CXADR: variants seen among roughly 807,000 people sequenced by gnomAD.
The protein encoded by CXADR is coxsackievirus and adenovirus receptor.
Under a neutral mutation model 40.3 loss-of-function variants are expected in CXADR, and 20 were observed. The ratio of observed to expected loss-of-function variants is 0.50; its 90% CI spans 0.35 to 0.72. The LOEUF is 0.72. Ranked by LOEUF, CXADR falls within the 30% of genes least tolerant of loss-of-function variation. The pLI, the probability that CXADR is intolerant of heterozygous loss-of-function variation, is 0.01. For missense variants in CXADR, 332 were observed against 449.1 expected, an observed-to-expected ratio of 0.74 and a Z score of 2.36; for synonymous variants, 150 against 161.3, an observed-to-expected ratio of 0.93 and a Z score of 0.53.
intron 1 of CXADR, among the ~76,000 whole-genome samples, chr21:17,534,830 G>A (rs2060733993): frequency 7.2e-6 from 1 of 138,452 alleles, no homozygotes; most frequent in Admixed American, 7.8e-5. Context: ...CTGTCACCAG[G>A]CTGGAGTGCA....
chr21:17,591,844 T>C (rs1162062724), intron 7 of CXADR, among the ~76,000 whole-genome samples: 1 of 151,962 alleles, frequency 6.6e-6, no homozygotes, highest in Non-Finnish European at 1.5e-5. Flanking sequence ...TCATAATTAC[T>C]ACTAAAAAAG....
the CXADR span, among the ~76,000 whole-genome samples, chr21:17,626,242 T>A: frequency 1.3e-5 from 2 of 152,338 alleles, no homozygotes; most frequent in South Asian, 2.1e-4. Flanking sequence ...AACATACCTA[T>A]CCCCTTGGAA....
chr21:17,533,811 G>A (rs2123180273), intron 1 of CXADR, among the ~76,000 whole-genome samples: 1 of 151,802 alleles, frequency 6.6e-6, no homozygotes, highest in South Asian at 2.1e-4. Context: ...TATTTGAAAA[G>A]TACAAAGAAG....
the CXADR span, among the ~76,000 whole-genome samples, chr21:17,622,660 A>G: frequency 2.0e-5 from 3 of 152,212 alleles, no homozygotes; most frequent in African/African-American, 4.8e-5. Flanking sequence ...CCAAAACACA[A>G]TGGAGGTATT....
intron 1 of CXADR, among the ~76,000 whole-genome samples, chr21:17,545,360 A>T (rs2060882638): frequency 6.6e-6 from 1 of 152,308 alleles, no homozygotes; most frequent in South Asian, 2.1e-4. Context: ...AGTGCTATGC[A>T]TACTTTTATA....
Position 17,569,115 on chromosome 21 carries a change from T to C in CXADR, c.*3423T>C, listed in dbSNP as rs909170153. 3 of 985,332 alleles carry C rather than the reference T, an allele frequency of 3.0e-6. No homozygotes were observed. The African/African-American group carries it at 5.2e-5, about 17-fold the overall frequency. 61.0% of individuals were successfully genotyped at this position (985,332 alleles called of 1,614,324 possible). A position where few individuals can be genotyped will look rare whatever the true frequency, so the allele number is the denominator to read the frequency against. On this transcript the variant is annotated 3_prime_UTR_variant, in exon 7 of 7. Transcript: ENST00000284878. ...AAGTTGACTATCAAATTCTGTGATGTGTGGCTTCTTAAAAATATTCTCAGT... is the reference window on the plus strand; with the variant it reads ...AAGTTGACTATCAAATTCTGTGATGCGTGGCTTCTTAAAAATATTCTCAGT...
At position 17,513,950 on chromosome 21, in the gene CXADR, G is replaced by C. The variant is rs531428860; in HGVS notation, c.43+778G>C. The stretch of plus-strand genomic sequence containing the variant: ...GCTGAGTTGTACAGGGTAATTGCTA[G>C]AGGATTTGCCAAGTGCGTTTGTCGA... On this transcript the variant is annotated intron_variant, in intron 1 of 6. Transcript: ENST00000284878. Among the ~76,000 whole-genome samples the C allele has an allele frequency of 7.9e-5, 12 of 152,302 alleles. No homozygotes were observed. The South Asian group carries it at 2.1e-3, about 26-fold the overall frequency.
chr21:17,602,708 A>T, the CXADR span, among the ~76,000 whole-genome samples: 1 of 152,212 alleles, frequency 6.6e-6, no homozygotes, highest in Non-Finnish European at 1.5e-5. Flanking sequence ...GTTTTCTAAG[A>T]TTAATAAGAT....
At chr21:17,604,916 G>C in the CXADR span, 2 of 1,614,134 alleles carry the variant, frequency 1.2e-6, no homozygotes, top group Non-Finnish European at 8.5e-7. Context: ...GCAAGCCCAG[G>C]TCACTATACA....
chr21:17,526,336 G>A (rs1305158964), intron 1 of CXADR, among the ~76,000 whole-genome samples: 1 of 151,944 alleles, frequency 6.6e-6, no homozygotes, highest in Non-Finnish European at 1.5e-5. Context: ...TCCTGTTAGC[G>A]ATGAGCTAAA....
rs2061457425 is a variant in CXADR, at chr21:17,593,174, A to T, written c.1040A>T (p.Asp347Val). Residue 347 changes from aspartate (D) to valine (V), a missense_variant, in exon 8 of 8, where the codon GAT (aspartate) becomes GTT (valine). Asp to Val is a radical substitution (Grantham distance 152). Coordinates refer to the CXADR transcript ENST00000400169. ...TAGTTCAAGTACCCTTACAAGACTG[A>T]TGGAATTACAGTTGTATAAATATGG... 12 of 1,460,910 alleles carry T rather than the reference A, an allele frequency of 8.2e-6. No homozygotes were observed. The East Asian group carries it at 2.8e-4, about 34-fold the overall frequency. 90.5% of individuals were successfully genotyped at this position (1,460,910 alleles called of 1,614,324 possible).
intron 7 of CXADR, chr21:17,593,127 G>GATTCT (rs2061456255): frequency 1.4e-6 from 2 of 1,395,972 alleles, no homozygotes; most frequent in South Asian, 3.5e-5. Flanking sequence ...CTCTTATAGA[G>GATTCT]ATATCTCTTT....
chr21:17,577,117 A>G (rs1345892899), intron 7 of CXADR, among the ~76,000 whole-genome samples: 1 of 152,080 alleles, frequency 6.6e-6, no homozygotes, highest in Non-Finnish European at 1.5e-5. Flanking sequence ...GTGCCTCTGC[A>G]CTTCAGTCTG....
At chr21:17,554,636 T>A (rs142042770) in intron 3 of CXADR, among the ~76,000 whole-genome samples, 2 of 152,322 alleles carry the variant, frequency 1.3e-5, no homozygotes, top group Admixed American at 1.3e-4. Flanking sequence ...TGTTTTTAGA[T>A]GAGTCGTGAC....
At chr21:17,535,077 C>T (rs755241824) in intron 1 of CXADR, among the ~76,000 whole-genome samples, 14 of 151,852 alleles carry the variant, frequency 9.2e-5, no homozygotes, top group East Asian at 7.8e-4. Flanking sequence ...CCACCGCGCC[C>T]GGCCTCTAAC....
chr21:17,629,576 A>AC, the CXADR span, among the ~76,000 whole-genome samples: 1 of 152,032 alleles, frequency 6.6e-6, no homozygotes, highest in Non-Finnish European at 1.5e-5. Flanking sequence ...ACAAAACAAA[A>AC]CAAAACAAAA....
the CXADR span, among the ~76,000 whole-genome samples, chr21:17,626,153 T>C: frequency 6.6e-6 from 1 of 152,218 alleles, no homozygotes; most frequent in Non-Finnish European, 1.5e-5. Context: ...ATGGGCATTA[T>C]TTTTCATATA....
chr21:17,623,967 T>G, the CXADR span, among the ~76,000 whole-genome samples: 7 of 152,196 alleles, frequency 4.6e-5, no homozygotes, highest in Non-Finnish European at 1.0e-4. Context: ...AGCTGTTGCA[T>G]GAATGATGGC....
In CXADR at chr21:17,569,075, G is replaced by A. The variant is rs886708587; in HGVS notation, c.*3383G>A. 17 of 985,380 alleles carry A rather than the reference G, an allele frequency of 1.7e-5. No individual in the cohort carries two copies. The highest frequency in any genetic ancestry group is 1.9e-5 in the Non-Finnish European group (16 of 829,932). 61.0% of individuals were successfully genotyped at this position (985,380 alleles called of 1,614,324 possible). ...GTAAACCTTTTGATGAAATATAAAA[G>A]GAACTCATTGCATGAAGTTGACTAT... On this transcript the variant is annotated 3_prime_UTR_variant, in exon 7 of 7. Transcript: ENST00000284878.
Sources: allele counts gnomAD v4.1 joint callset (sites outside exome capture counted in the v4.1 genomes callset), GRCh38; gene constraint gnomAD v4.1.1; transcripts MANE v1.5; gene names NCBI Gene and HGNC (gene_info 2026-07-23, HGNC 2026-07-21).